The following NPAS3 variants were observed in gnomAD, a reference collection of about 807,000 sequenced individuals.
The protein encoded by NPAS3 is neuronal PAS domain-containing protein 3.
Under a neutral mutation model 73.1 loss-of-function variants are expected in NPAS3, and 14 were observed. The observed-to-expected ratio is 0.19, with a 90% CI of 0.13 to 0.30. NPAS3 has a LOEUF of 0.30. NPAS3 is among the 10% of genes least tolerant of loss of function. The pLI is 1.00. For missense variants in NPAS3, 1,096 were observed against 1,250.0 expected, an observed-to-expected ratio of 0.88 and a Z score of 1.86; for synonymous variants, 620 against 541.5, an observed-to-expected ratio of 1.14 and a Z score of -2.01.
At chr14:33,205,047 G>T (rs1260557844) in intron 2 of NPAS3, among the ~76,000 whole-genome samples, 1 of 152,094 alleles carries the variant, frequency 6.6e-6, no homozygotes, top group African/African-American at 2.4e-5. Flanking sequence ...ACTGAAGAGA[G>T]TCCAGCAAAT....
chr14:33,604,412 A>C (rs1261595872), intron 5 of NPAS3, among the ~76,000 whole-genome samples: 2 of 152,118 alleles, frequency 1.3e-5, no homozygotes, highest in East Asian at 3.8e-4. Context: ...AACTATGGAT[A>C]AAGAAGTTCA....
chr14:33,144,598 G>C, intron 2 of NPAS3, among the ~76,000 whole-genome samples: 1 of 152,256 alleles, frequency 6.6e-6, no homozygotes. Context: ...CAGGAGTGCA[G>C]TGGCATGCTC....
intron 2 of NPAS3, among the ~76,000 whole-genome samples, chr14:33,157,893 A>C (rs1045276280): frequency 7.9e-5 from 12 of 152,150 alleles, no homozygotes; most frequent in Admixed American, 7.9e-4. Flanking sequence ...GTTTTTGTGA[A>C]GATTACACGA....
rs572212588 is a variant in NPAS3, at chr14:33,594,840, A to C, written c.558+34630A>C. 3.5e-4 allele frequency among the ~76,000 whole-genome samples: 54 copies of C among 152,320 alleles called. 1 individual carries two copies. Among genetic ancestry groups the C allele is most frequent in the African/African-American group, 9.6e-4 (40 of 41,572 alleles). The stretch of plus-strand genomic sequence containing the variant: ...TCGTTAGTGGATGAAAGTCATCCCA[A>C]ATGGTCTGAAGGCCTCTTCATTCCC... On this transcript the variant is annotated intron_variant, in intron 5 of 11. Coordinates refer to ENST00000356141, the Ensembl canonical transcript of NPAS3.
intron 7 of NPAS3, among the ~76,000 whole-genome samples, chr14:33,741,699 A>C (rs2061659409): frequency 6.6e-6 from 1 of 151,746 alleles, no homozygotes; most frequent in Non-Finnish European, 1.5e-5. Context: ...TATTTTACCA[A>C]CTAGAGGCAT....
chr14:33,191,411 A>G (rs985357018), intron 2 of NPAS3, among the ~76,000 whole-genome samples: 1 of 152,202 alleles, frequency 6.6e-6, no homozygotes, highest in South Asian at 2.1e-4. Flanking sequence ...AAGTAGAAGC[A>G]ACTAAATAAT....
At chr14:32,981,018 T>C (rs2037876489) in intron 1 of NPAS3, among the ~76,000 whole-genome samples, 1 of 152,114 alleles carries the variant, frequency 6.6e-6, no homozygotes, top group Non-Finnish European at 1.5e-5. Flanking sequence ...CTCCAGTGGT[T>C]CTTGCTGTTA....
At chr14:33,289,049 C>T (rs908783556) in intron 3 of NPAS3, among the ~76,000 whole-genome samples, 7 of 152,100 alleles carry the variant, frequency 4.6e-5, no homozygotes, top group South Asian at 2.1e-4. Context: ...AAGTCACTTA[C>T]GGAGAGAAAT....
intron 2 of NPAS3, among the ~76,000 whole-genome samples, chr14:33,081,208 C>A (rs1418613956): frequency 6.6e-6 from 1 of 152,140 alleles, no homozygotes; most frequent in African/African-American, 2.4e-5. Context: ...TACCTTAAAT[C>A]ATTGCACCAA....
At chr14:33,357,050 C>T (rs1023904482) in intron 3 of NPAS3, among the ~76,000 whole-genome samples, 2 of 152,192 alleles carry the variant, frequency 1.3e-5, no homozygotes, top group African/African-American at 4.8e-5. Flanking sequence ...TAAATCATAG[C>T]CTCTGTAGGT....
chr14:33,451,777 G>A (rs1300459096), intron 4 of NPAS3, among the ~76,000 whole-genome samples: 2 of 152,120 alleles, frequency 1.3e-5, no homozygotes, highest in Non-Finnish European at 2.9e-5. Context: ...AAGGATGTAA[G>A]TCTCCTTAAG....
intron 4 of NPAS3, among the ~76,000 whole-genome samples, chr14:33,400,574 T>A (rs2047403592): frequency 6.6e-6 from 1 of 152,120 alleles, no homozygotes; most frequent in South Asian, 2.1e-4. Context: ...TGGACCTAAT[T>A]AACAAAATAT....
chr14:33,741,142 G>C (rs566450103), intron 7 of NPAS3, among the ~76,000 whole-genome samples: 1 of 152,282 alleles, frequency 6.6e-6, no homozygotes, highest in Non-Finnish European at 1.5e-5. Flanking sequence ...GGATGGACTA[G>C]ATGCCACCTG....
chr14:33,666,162 A>AAATC (rs1469057577), intron 5 of NPAS3, among the ~76,000 whole-genome samples: 4 of 152,192 alleles, frequency 2.6e-5, no homozygotes, highest in African/African-American at 7.2e-5. Flanking sequence ...TTTAGGGCCT[A>AAATC]AATCAATCAA....
In NPAS3 at chr14:33,258,049, T is replaced by C. The variant is rs148857021; in HGVS notation, c.385+42623T>C. Among the ~76,000 whole-genome samples the C allele has an allele frequency of 2.5e-4, 38 of 152,288 alleles. 1 individual carries two copies. The highest frequency in any genetic ancestry group is 8.9e-4 in the African/African-American group (37 of 41,558). On this transcript the variant is annotated intron_variant, in intron 3 of 11. Transcript: ENST00000356141. ...TCCGGAGAGTAGCACAGCAAAGTAA[T>C]TGAGAACAATAAACTTAATATTTTA...
chr14:33,613,486 C>G (rs1003075858), intron 5 of NPAS3, among the ~76,000 whole-genome samples: 11 of 152,140 alleles, frequency 7.2e-5, no homozygotes, highest in African/African-American at 2.2e-4. Context: ...TCACACTGGA[C>G]AATTTGCAAC....
At chr14:33,426,156 A>C (rs532563795) in intron 4 of NPAS3, among the ~76,000 whole-genome samples, 1 of 152,236 alleles carries the variant, frequency 6.6e-6, no homozygotes, top group East Asian at 1.9e-4. Flanking sequence ...AAGATAAGAC[A>C]GGGATGAACT....
chr14:33,581,521 T>G (rs1423062487), intron 5 of NPAS3, among the ~76,000 whole-genome samples: 1 of 152,196 alleles, frequency 6.6e-6, no homozygotes, highest in Non-Finnish European at 1.5e-5. Flanking sequence ...ACATGTTTGT[T>G]TTATATTTGT....
chr14:33,405,598 G>A (rs928953987), intron 4 of NPAS3, among the ~76,000 whole-genome samples: 1 of 151,944 alleles, frequency 6.6e-6, no homozygotes, highest in African/African-American at 2.4e-5. Context: ...AGCTTCTTAG[G>A]TTTGAATTGT....
Sources: allele counts gnomAD v4.1 joint callset (sites outside exome capture counted in the v4.1 genomes callset), GRCh38; gene constraint gnomAD v4.1.1; transcripts MANE v1.5; gene names NCBI Gene and HGNC (gene_info 2026-07-23, HGNC 2026-07-21).